PACRGL: variants seen among roughly 807,000 people sequenced by gnomAD.
PACRGL encodes the protein parkin coregulated like.
Under a neutral mutation model 34.5 loss-of-function variants are expected in PACRGL, and 38 were observed. That is an observed-to-expected ratio of 1.10 (90% CI 0.85 to 1.44). The LOEUF (loss-of-function observed/expected upper bound fraction) is 1.44. Among genes scored for constraint, PACRGL ranks in the 40% most tolerant of loss-of-function variants. The pLI is 0.00. For missense variants in PACRGL, 305 were observed against 281.4 expected, an observed-to-expected ratio of 1.08 and a Z score of -0.60; for synonymous variants, 128 against 100.1, an observed-to-expected ratio of 1.28 and a Z score of -1.66.
intron 8 of PACRGL, among the ~76,000 whole-genome samples, chr4:20,744,623 CAG>C (rs1266159440): frequency 4.7e-5 from 7 of 148,354 alleles, no homozygotes; most frequent in African/African-American, 1.0e-4. Context: ...GATGAGGGGT[CAG>C]GGGGATGGGG....
At chr4:20,755,990 G>A (rs1458042282), downstream of PACRGL, among the ~76,000 whole-genome samples, 1 of 152,088 alleles carries the variant, frequency 6.6e-6, no homozygotes, top group Admixed American at 6.5e-5. Context: ...ATGTTCTATG[G>A]AATGGTATGG....
intron 7 of PACRGL, among the ~76,000 whole-genome samples, chr4:20,720,720 G>T (rs895363171): frequency 3.3e-5 from 5 of 152,144 alleles, no homozygotes; most frequent in Non-Finnish European, 5.9e-5. Flanking sequence ...GCTTCCCTTT[G>T]TGGGTAACCC....
chr4:20,698,462 C>G (rs887595261), upstream of PACRGL, among the ~76,000 whole-genome samples: 1 of 152,132 alleles, frequency 6.6e-6, no homozygotes, highest in Non-Finnish European at 1.5e-5. Flanking sequence ...ATGCTGATGG[C>G]TCAAAAATCC....
At chr4:20,763,681 C>G in the PACRGL span, among the ~76,000 whole-genome samples, 1 of 152,132 alleles carries the variant, frequency 6.6e-6, no homozygotes, top group African/African-American at 2.4e-5. Flanking sequence ...CTCCAAGTGT[C>G]TGTGTTCTGA....
rs34064017 is a variant in PACRGL, at chr4:20,702,634, ATTTT to A, written c.-16-1825_-16-1822del. ...ATTATAGAGTTGAGGAAACTGATGC[ATTTT>A]TTTTTTCAATAGAAACTTGTGTTGT... On this transcript the variant is annotated intron_variant, in intron 1 of 8. Transcript: ENST00000503585. 635 of 151,072 alleles carry A rather than the reference ATTTT, an allele frequency of 4.2e-3. 8 individuals carry two copies. The highest frequency in any genetic ancestry group is 0.012 in the Admixed American group (180 of 15,200). The allele number at this position is 151,072 out of a possible 1,614,324, so 9.4% of individuals were successfully genotyped here. A position where few individuals can be genotyped will look rare whatever the true frequency, so the allele number is the denominator to read the frequency against.
At chr4:20,746,108 C>T (rs2149324427) in intron 8 of PACRGL, among the ~76,000 whole-genome samples, 1 of 152,224 alleles carries the variant, frequency 6.6e-6, no homozygotes, top group East Asian at 1.9e-4. Context: ...TTCACAATAG[C>T]AAAGACTTGG....
chr4:20,751,868 G>A (rs531001726), intron 8 of PACRGL, among the ~76,000 whole-genome samples: 15 of 152,140 alleles, frequency 9.9e-5, no homozygotes, highest in Admixed American at 6.5e-5. Context: ...AAGTTACAGC[G>A]GCTTCCCAGT....
Position 20,704,511 on chromosome 4 carries a change from A to G in PACRGL, c.30A>G (p.Thr10=). The G allele has an allele frequency of 6.2e-7, 1 of 1,614,058 alleles. No homozygotes were observed. The highest frequency in any genetic ancestry group is 8.5e-7 in the Non-Finnish European group (1 of 1,179,972). Residue 10 remains threonine (T), a synonymous_variant, in exon 2 of 9, where the codon ACA becomes ACG. Transcript: ENST00000503585. ...AGAAATCAGAGGGCTCTGGAGGTACACAGTTGAAAAACAGAGCAACAGGTA... is the reference window on the plus strand; with the variant it reads ...AGAAATCAGAGGGCTCTGGAGGTACGCAGTTGAAAAACAGAGCAACAGGTA... The part of the protein sequence containing the change: MQKSEGSGG[T]QLKNRATGNY...
rs1403491703 is a variant in PACRGL at position 20,700,671 on chromosome 4, G to C, written c.-133G>C. ...GGCTTGCTTCCTGATCTGTTGCTAG[G>C]GCCGCTGGACCCCGTTGCTAAGGAC... On this transcript the variant is annotated 5_prime_UTR_variant, in exon 1 of 9. Coordinates refer to ENST00000503585, the MANE Select transcript of PACRGL (RefSeq NM_001258345.3). 2.0e-5 allele frequency: 3 copies of C among 152,160 alleles called. No individual in the cohort carries two copies. The highest frequency in any genetic ancestry group is 6.5e-5 in the Admixed American group (1 of 15,284). The allele number at this position is 152,160 out of a possible 1,614,324, so 9.4% of individuals were successfully genotyped here. A position where few individuals can be genotyped will look rare whatever the true frequency, so the allele number is the denominator to read the frequency against.
chr4:20,759,109 G>A, the PACRGL span, among the ~76,000 whole-genome samples: 243 of 152,238 alleles, frequency 1.6e-3, 2 homozygotes, highest in African/African-American at 5.6e-3. Flanking sequence ...TGCATATTGA[G>A]TATCAAAGTA....
At chr4:20,736,820 C>T (rs1749739220), downstream of PACRGL, among the ~76,000 whole-genome samples, 1 of 152,138 alleles carries the variant, frequency 6.6e-6, no homozygotes. Context: ...TTGTCAAATT[C>T]ATATTGCAAG....
intron 8 of PACRGL, among the ~76,000 whole-genome samples, chr4:20,742,340 C>G (rs973753127): frequency 5.9e-5 from 9 of 152,174 alleles, no homozygotes; most frequent in African/African-American, 2.2e-4. Context: ...CAAACCGAAT[C>G]CAGCAGCACA....
intron 1 of PACRGL, among the ~76,000 whole-genome samples, chr4:20,701,187 T>C (rs1732010646): frequency 1.3e-5 from 2 of 152,168 alleles, no homozygotes; most frequent in Non-Finnish European, 2.9e-5. Context: ...TCAGTGGTCT[T>C]AAAGCTGAGT....
Position 20,749,783 on chromosome 4 carries a change from A to G in PACRGL, c.*57-2782A>G, listed in dbSNP as rs112653243. On this transcript the variant is annotated intron_variant, in intron 8 of 8. Transcript: ENST00000507634. ...TTAAGTCAGTGTTTCCATATCCTACATAAGACTTGGATAGCAGTCCAAGCT... is the reference window on the plus strand; with the variant it reads ...TTAAGTCAGTGTTTCCATATCCTACGTAAGACTTGGATAGCAGTCCAAGCT... 3.8e-3 allele frequency: 4,833 copies of G among 1,268,528 alleles called. 29 individuals carry two copies. The highest frequency in any genetic ancestry group is 8.6e-3 in the Middle Eastern group (46 of 5,356). 78.6% of individuals were successfully genotyped at this position (1,268,528 alleles called of 1,614,324 possible). A position where few individuals can be genotyped will look rare whatever the true frequency, so the allele number is the denominator to read the frequency against.
chr4:20,726,742 C>G (rs1175397255), intron 8 of PACRGL, among the ~76,000 whole-genome samples: 1 of 152,118 alleles, frequency 6.6e-6, no homozygotes, highest in Admixed American at 6.6e-5. Context: ...CACAGTGTTA[C>G]TTTCTTAGAA....
At position 20,729,750 on chromosome 4, in the gene PACRGL, G is replaced by GATATTTTA. The variant is rs2149244790; in HGVS notation, c.*2411_*2418dup. 4.7e-6 allele frequency: 1 copy of GATATTTTA among 210,996 alleles called. No homozygotes were observed. Among genetic ancestry groups the GATATTTTA allele is most frequent in the Admixed American group, 5.8e-5 (1 of 17,312 alleles). The allele number at this position is 210,996 out of a possible 1,614,324, so 13.1% of individuals were successfully genotyped here. A position where few individuals can be genotyped will look rare whatever the true frequency, so the allele number is the denominator to read the frequency against. ...ATACAAATGAGTAGCAAAAAACACT[G>GATATTTTA]ATATTTTAAAATCACTGATATGTGA... is the stretch of plus-strand genomic sequence containing the variant. On this transcript the variant is annotated 3_prime_UTR_variant, in exon 9 of 9. Transcript: ENST00000503585.
intron 8 of PACRGL, among the ~76,000 whole-genome samples, chr4:20,743,798 C>T (rs557852327): frequency 1.3e-5 from 2 of 152,094 alleles, no homozygotes; most frequent in East Asian, 3.9e-4. Context: ...GGAACTTCTG[C>T]ACAGCAAAAG....
At chr4:20,719,880 A>C (rs1202672944) in intron 7 of PACRGL, among the ~76,000 whole-genome samples, 1 of 151,984 alleles carries the variant, frequency 6.6e-6, no homozygotes, top group Non-Finnish European at 1.5e-5. Context: ...ATTCCTGGGT[A>C]TCCTTGTTAA....
chr4:20,702,314 T>C, intron 1 of PACRGL: 1 of 418,190 alleles, frequency 2.4e-6, no homozygotes, highest in Admixed American at 2.7e-5. Flanking sequence ...GTGCATCGCT[T>C]TTATCTGTTG....
Sources: gnomAD v4.1 joint callset for allele counts (sites outside exome capture counted in the v4.1 genomes callset) on GRCh38, gnomAD v4.1.1 for gene constraint, MANE v1.5 for transcripts, NCBI Gene and HGNC (gene_info 2026-07-23, HGNC 2026-07-21) for gene names.